The following NCKAP5 variants were observed in gnomAD, a reference collection of about 807,000 sequenced individuals.
The protein encoded by NCKAP5 is nck-associated protein 5.
Under a neutral mutation model 167.0 loss-of-function variants are expected in NCKAP5, and 92 were observed. The observed-to-expected ratio is 0.55, with a 90% CI of 0.47 to 0.66. The LOEUF is 0.66. Among genes scored for constraint, NCKAP5 ranks in the 30% least tolerant of loss-of-function variants. The probability of loss-of-function intolerance (pLI) is 0.00; values close to 1 mark genes in which losing one functional copy is unlikely to be tolerated. For synonymous variants in NCKAP5, 891 were observed against 877.4 expected, an observed-to-expected ratio of 1.02 and a Z score of -0.27; for missense variants, 2,378 against 2,315.0, an observed-to-expected ratio of 1.03 and a Z score of -0.56.
At chr2:133,671,164 A>G in the NCKAP5 span, among the ~76,000 whole-genome samples, 2 of 149,258 alleles carry the variant, frequency 1.3e-5, no homozygotes, top group African/African-American at 4.9e-5. Flanking sequence ...GCAGCGAGCC[A>G]AGATCGTGCC....
chr2:133,014,133 C>T (rs1349021744), intron 6 of NCKAP5, among the ~76,000 whole-genome samples: 1 of 152,160 alleles, frequency 6.6e-6, no homozygotes, highest in Non-Finnish European at 1.5e-5. Context: ...TGATTGAAAA[C>T]CTTCCATGGA....
chr2:133,455,786 A>G (rs1431502562), intron 3 of NCKAP5, among the ~76,000 whole-genome samples: 1 of 152,000 alleles, frequency 6.6e-6, no homozygotes, highest in Non-Finnish European at 1.5e-5. Flanking sequence ...CAGAACTTAA[A>G]CCCCCTTTTT....
At chr2:132,953,613 G>C (rs1019147973) in intron 8 of NCKAP5, among the ~76,000 whole-genome samples, 3 of 151,820 alleles carry the variant, frequency 2.0e-5, no homozygotes, top group African/African-American at 7.3e-5. Flanking sequence ...GCCAAAGGAG[G>C]GAGAGGAAGG....
Position 133,188,671 on chromosome 2 carries a change from C to T in NCKAP5, c.207+25045G>A, listed in dbSNP as rs148162773. On this transcript the variant is annotated intron_variant, in intron 5 of 19. Coordinates refer to ENST00000409261, the MANE Select transcript of NCKAP5 (RefSeq NM_207363.3). The stretch of plus-strand genomic sequence containing the variant: ...AACTACATGGAAACTGAACAACCTG[C>T]GCCTGAATGACTACTGGGTACGTAA... Among the ~76,000 whole-genome samples, 393 of 152,200 alleles carry T rather than the reference C, an allele frequency of 2.6e-3. 3 individuals are homozygous for T. The highest frequency in any genetic ancestry group is 8.5e-3 in the African/African-American group (355 of 41,550).
the NCKAP5 span, among the ~76,000 whole-genome samples, chr2:133,673,176 T>C: frequency 6.6e-6 from 1 of 152,214 alleles, no homozygotes; most frequent in African/African-American, 2.4e-5. Flanking sequence ...CAGGTTCATA[T>C]AGTCCTCTGA....
chr2:132,752,048 T>C (rs1456079859), intron 16 of NCKAP5, among the ~76,000 whole-genome samples: 1 of 152,240 alleles, frequency 6.6e-6, no homozygotes, highest in African/African-American at 2.4e-5. Context: ...AGCACAATTA[T>C]CTACAAGAAG....
At chr2:133,009,398 T>TTTA (rs2149356512) in intron 6 of NCKAP5, among the ~76,000 whole-genome samples, 1 of 152,170 alleles carries the variant, frequency 6.6e-6, no homozygotes, top group Admixed American at 6.5e-5. Flanking sequence ...CTTGTGTAGA[T>TTTA]GGAAATTCCC....
At chr2:132,988,948 T>C (rs1185654826) in intron 7 of NCKAP5, among the ~76,000 whole-genome samples, 1 of 152,164 alleles carries the variant, frequency 6.6e-6, no homozygotes, top group Non-Finnish European at 1.5e-5. Context: ...CCATAAGTCT[T>C]GGTAGTCGCA....
intron 5 of NCKAP5, among the ~76,000 whole-genome samples, chr2:133,211,805 CATTTTT>C: frequency 6.6e-6 from 1 of 152,170 alleles, no homozygotes; most frequent in African/African-American, 2.4e-5. Context: ...TTTCCAAAGT[CATTTTT>C]TGAGCAACTG....
At chr2:133,223,444 G>A (rs1036343266) in intron 4 of NCKAP5, among the ~76,000 whole-genome samples, 2 of 152,124 alleles carry the variant, frequency 1.3e-5, no homozygotes, top group African/African-American at 4.8e-5. Context: ...AATGTCGAGT[G>A]CCAGGTGCAC....
chr2:133,466,890 T>G (rs1559505056), intron 3 of NCKAP5, among the ~76,000 whole-genome samples: 1 of 152,240 alleles, frequency 6.6e-6, no homozygotes, highest in African/African-American at 2.4e-5. Context: ...AAGTTGCTTA[T>G]CAGCTTAAGG....
chr2:133,254,694 T>TA (rs2088527438), intron 4 of NCKAP5, among the ~76,000 whole-genome samples: 1 of 152,170 alleles, frequency 6.6e-6, no homozygotes, highest in Non-Finnish European at 1.5e-5. Flanking sequence ...GACACCAATT[T>TA]ATAGGAGTTT....
At chr2:133,404,885 G>A (rs1355934831) in intron 3 of NCKAP5, among the ~76,000 whole-genome samples, 2 of 152,114 alleles carry the variant, frequency 1.3e-5, no homozygotes, top group Middle Eastern at 3.4e-3. Flanking sequence ...CTTTTCCTCC[G>A]TCTATCAGTT....
chr2:133,527,759 A>C (rs1254356438), intron 2 of NCKAP5, among the ~76,000 whole-genome samples: 3 of 152,082 alleles, frequency 2.0e-5, no homozygotes, highest in Non-Finnish European at 4.4e-5. Context: ...CAGCGGGCTA[A>C]ACTCCCTCAA....
intron 4 of NCKAP5, among the ~76,000 whole-genome samples, chr2:133,243,164 A>G (rs1279736811): frequency 1.3e-5 from 2 of 152,112 alleles, no homozygotes; most frequent in South Asian, 2.1e-4. Flanking sequence ...TTTAAGTGCA[A>G]CCCCCATTTT....
chr2:133,071,411 C>T (rs1007557440), intron 6 of NCKAP5, among the ~76,000 whole-genome samples: 1 of 152,192 alleles, frequency 6.6e-6, no homozygotes, highest in Admixed American at 6.5e-5. Context: ...CGCCACTGCA[C>T]TCCAGCCTGG....
At position 133,263,664 on chromosome 2, in the gene NCKAP5, G is replaced by A. The variant is rs2089031089; in HGVS notation, c.143+39373C>T. Among the ~76,000 whole-genome samples, 3 of 150,560 alleles carry A rather than the reference G, an allele frequency of 2.0e-5. No homozygotes were observed. The South Asian group carries it at 6.3e-4, about 32-fold the overall frequency. ...GGGCTGCCCTCCATGTTCAAGGAGT[G>A]GAGAAAAGGAATCTACACAAAGGCC... On this transcript the variant is annotated intron_variant, in intron 4 of 19. Transcript: ENST00000409261.
chr2:132,845,621 A>G (rs945895713), intron 11 of NCKAP5, among the ~76,000 whole-genome samples: 2 of 152,082 alleles, frequency 1.3e-5, no homozygotes, highest in Middle Eastern at 3.2e-3. Context: ...TCCTCCCTCA[A>G]TCTATTTATT....
intron 6 of NCKAP5, among the ~76,000 whole-genome samples, chr2:133,078,331 AG>A (rs1201316338): frequency 2.6e-5 from 4 of 152,174 alleles, no homozygotes. Context: ...AAGAAGGCTG[AG>A]GGGAAACCAG....
Sources: gnomAD v4.1 joint callset for allele counts (sites outside exome capture counted in the v4.1 genomes callset) on GRCh38, gnomAD v4.1.1 for gene constraint, MANE v1.5 for transcripts, NCBI Gene and HGNC (gene_info 2026-07-23, HGNC 2026-07-21) for gene names.